PADI1: variants seen among roughly 807,000 people sequenced by gnomAD.
The protein encoded by PADI1 is protein-arginine deiminase type-1.
A neutral mutation model predicts 74.8 loss-of-function variants in PADI1; 65 were observed. The ratio of observed to expected loss-of-function variants is 0.87; its 90% confidence interval spans 0.71 to 1.07. PADI1 has a LOEUF of 1.07. Among genes scored for constraint, PADI1 ranks in the 50% least tolerant of loss-of-function variants. The pLI is 0.00. For synonymous variants in PADI1, 371 were observed against 336.2 expected (o/e 1.10, Z -1.13); for missense variants, 943 against 854.0 (o/e 1.10, Z -1.30).
At chr1:17,217,058 G>A (rs895968892) in intron 1 of PADI1, among the ~76,000 whole-genome samples, 2 of 148,714 alleles carry the variant, frequency 1.3e-5, no homozygotes, top group Non-Finnish European at 3.0e-5. Flanking sequence ...GGGAGGGAGG[G>A]GAGGAGAGGA....
chr1:17,211,358 A>T (rs12086890), intron 1 of PADI1, among the ~76,000 whole-genome samples: 9 of 151,692 alleles, frequency 5.9e-5, no homozygotes, highest in African/African-American at 1.9e-4. Context: ...TGTATTTTTA[A>T]TAGAGATGGG....
intron 1 of PADI1, among the ~76,000 whole-genome samples, chr1:17,212,734 C>T (rs2100406498): frequency 6.6e-6 from 1 of 152,218 alleles, no homozygotes; most frequent in African/African-American, 2.4e-5. Flanking sequence ...AGGGGGCTGG[C>T]CGGGATGACC....
At chr1:17,217,079 G>C (rs1044822177) in intron 1 of PADI1, among the ~76,000 whole-genome samples, 1 of 151,584 alleles carries the variant, frequency 6.6e-6, no homozygotes, top group African/African-American at 2.4e-5. Context: ...GGAGAGGGGA[G>C]GCTGAGCCCT....
chr1:17,231,554 C>T (rs2100492432), intron 10 of PADI1, among the ~76,000 whole-genome samples: 1 of 152,296 alleles, frequency 6.6e-6, no homozygotes, highest in South Asian at 2.1e-4. Context: ...GACAATGAAC[C>T]CTGTAGGTGA....
chr1:17,230,432 G>A, intron 9 of PADI1, 140 bp from the exon 10 acceptor site: 2 of 721,902 alleles, frequency 2.8e-6, no homozygotes, highest in South Asian at 1.9e-5. Context: ...GTCCTAAGAG[G>A]CCTCACTTCT....
In PADI1 at chr1:17,244,006, G is replaced by A; in HGVS notation, c.1759-4G>A. ...GCCTCCCTCTTGCCTTTTCTCTTTT[G>A]CAGGTTAACATGGTGGTCTTAGGCA... On this transcript the variant is annotated splice_region_variant and splice_polypyrimidine_tract_variant and intron_variant, in intron 15 of 15. Coordinates refer to ENST00000375471, the MANE Select transcript of PADI1 (RefSeq NM_013358.3). 1 of 1,604,962 alleles carries A rather than the reference G, an allele frequency of 6.2e-7. No homozygotes were observed. The highest frequency in any genetic ancestry group is 2.2e-5 in the East Asian group (1 of 44,812).
chr1:17,227,480 G>A (rs187021725), intron 6 of PADI1, among the ~76,000 whole-genome samples: 17 of 142,458 alleles, frequency 1.2e-4, no homozygotes, highest in African/African-American at 4.5e-4. Context: ...GCAGGGAGCC[G>A]TGTTCATGCC....
intron 11 of PADI1, among the ~76,000 whole-genome samples, chr1:17,235,380 A>T (rs145439986): frequency 2.6e-5 from 4 of 152,180 alleles, no homozygotes; most frequent in Admixed American, 1.3e-4. Flanking sequence ...GAAGCCAGAG[A>T]AGGTACAGCT....
chr1:17,232,598 G>T (rs2072517530), intron 10 of PADI1, among the ~76,000 whole-genome samples: 1 of 152,146 alleles, frequency 6.6e-6, no homozygotes, highest in Non-Finnish European at 1.5e-5. Flanking sequence ...CCAAACATTT[G>T]GGGGAGTTTT....
rs372959283 is a variant in PADI1 at position 17,232,729 on chromosome 1, C to T, written c.1162-90C>T. The T allele has an allele frequency of 2.5e-5, 29 of 1,178,754 alleles. 1 individual carries two copies. In the South Asian group the frequency reaches 2.7e-4, roughly 11 times the overall value. The allele number at this position is 1,178,754 out of a possible 1,614,324, so 73.0% of individuals were successfully genotyped here. On this transcript the variant is annotated intron_variant, in intron 10 of 15. Transcript: ENST00000375471. ...TAAGAGCCATGGAGTGGGAGACCCC[C>T]AGCAACTCCCCTCTACTCCAAGAAC... is the stretch of plus-strand genomic sequence containing the variant.
chr1:17,239,409 C>T (rs1181146218), intron 13 of PADI1, among the ~76,000 whole-genome samples: 1 of 152,140 alleles, frequency 6.6e-6, no homozygotes, highest in African/African-American at 2.4e-5. Flanking sequence ...ATTAATAATA[C>T]ATTAAGTAGG....
Position 17,226,137 on chromosome 1 carries a change from G to A in PADI1, c.631G>A (p.Val211Met). Reference protein sequence around the residue: ...LNVPFSDSKRVRVFCARGGNS... With the variant: ...LNVPFSDSKRMRVFCARGGNS... The stretch of plus-strand genomic sequence containing the variant: ...CGTGCCCTTTTCTGATTCCAAAAGA[G>A]TGAGGGTCTTCTGTGCCAGGGGTGA... The change falls in exon 6 of 16, where the codon GTG becomes ATG. Residue 211 changes from valine to methionine, a missense_variant. Coordinates refer to ENST00000375471, the MANE Select transcript of PADI1 (RefSeq NM_013358.3). The A allele has an allele frequency of 1.9e-6, 3 of 1,614,204 alleles. No homozygotes were observed. Among genetic ancestry groups the A allele is most frequent in the Non-Finnish European group, 1.7e-6 (2 of 1,180,016 alleles).
chr1:17,214,113 A>G (rs921395520), intron 1 of PADI1, among the ~76,000 whole-genome samples: 2 of 152,162 alleles, frequency 1.3e-5, no homozygotes, highest in Non-Finnish European at 1.5e-5. Context: ...GAGAAGAGTA[A>G]TTGTAACCAT....
chr1:17,217,113 C>T (rs868026178), intron 1 of PADI1, among the ~76,000 whole-genome samples: 6 of 151,870 alleles, frequency 4.0e-5, no homozygotes, highest in East Asian at 1.9e-4. Flanking sequence ...TGGGGCCAGC[C>T]GCACTCTGAA....
rs557675437 is a variant in PADI1 at position 17,206,882 on chromosome 1, T to C, written c.92+1573T>C. 2.0e-5 allele frequency among the ~76,000 whole-genome samples: 3 copies of C among 152,210 alleles called. No individual in the cohort carries two copies. In the East Asian group the frequency reaches 5.8e-4, roughly 29 times the overall value. ...TTTTAGTAGAGACAAGGTTTTGCCATGTTGGTCAGGCTGGTCTCAAACTCC... is the reference window on the plus strand; with the variant it reads ...TTTTAGTAGAGACAAGGTTTTGCCACGTTGGTCAGGCTGGTCTCAAACTCC... On this transcript the variant is annotated intron_variant, in intron 1 of 15. Coordinates refer to ENST00000375471, the MANE Select transcript of PADI1 (RefSeq NM_013358.3).
intron 1 of PADI1, among the ~76,000 whole-genome samples, chr1:17,220,810 C>T (rs977997473): frequency 3.3e-5 from 5 of 152,222 alleles, no homozygotes; most frequent in Non-Finnish European, 7.3e-5. Flanking sequence ...CACAGAGAGG[C>T]CATAGTTCAC....
In PADI1 at chr1:17,206,227, G is replaced by A. The variant is rs150025125; in HGVS notation, c.92+918G>A. On this transcript the variant is annotated intron_variant, in intron 1 of 15. Transcript: ENST00000375471. ...GTGCTGGGGGTCTGTTACTGGGTGA[G>A]ATCTGAGCTCCTTTCTCCCTCTTGG... Among the ~76,000 whole-genome samples the A allele has an allele frequency of 4.9e-3, 753 of 152,312 alleles. 5 individuals are homozygous for A. The highest frequency in any genetic ancestry group is 0.017 in the African/African-American group (716 of 41,570).
chr1:17,231,605 T>C (rs974881276), intron 10 of PADI1, among the ~76,000 whole-genome samples: 1 of 152,170 alleles, frequency 6.6e-6, no homozygotes, highest in African/African-American at 2.4e-5. Flanking sequence ...GGGACCCACC[T>C]GACCTGCCCC....
At chr1:17,220,840 A>G (rs2100439587) in intron 1 of PADI1, among the ~76,000 whole-genome samples, 1 of 152,324 alleles carries the variant, frequency 6.6e-6, no homozygotes, top group South Asian at 2.1e-4. Flanking sequence ...GGGGATGAAG[A>G]AGAATGAGAT....
Sources: allele counts gnomAD v4.1 joint callset (sites outside exome capture counted in the v4.1 genomes callset), GRCh38; gene constraint gnomAD v4.1.1; transcripts MANE v1.5; gene names NCBI Gene and HGNC (gene_info 2026-07-23, HGNC 2026-07-21).